The following ATG14 variants were observed in gnomAD, a reference collection of about 807,000 sequenced individuals.
The protein encoded by ATG14 is beclin 1-associated autophagy-related key regulator.
ATG14 carries 35 observed loss-of-function variants against 60.4 expected under a neutral mutation model. That is an observed-to-expected ratio of 0.58 (90% CI 0.44 to 0.77). ATG14 has a LOEUF of 0.77. Among genes scored for constraint, ATG14 ranks in the 30% least tolerant of loss-of-function variants. The pLI is 0.00. For synonymous variants in ATG14, 234 were observed against 228.8 expected, an observed-to-expected ratio of 1.02 and a Z score of -0.21; for missense variants, 647 against 626.3, an observed-to-expected ratio of 1.03 and a Z score of -0.35.
intron 3 of ATG14, among the ~76,000 whole-genome samples, chr14:55,392,628 G>A (rs1451305793): frequency 3.0e-5 from 4 of 132,942 alleles, no homozygotes; most frequent in African/African-American, 1.1e-4. Context: ...CAGCCTGGGT[G>A]ATATAGCAAG....
At position 55,369,483 on chromosome 14, in the gene ATG14, TAAAAA is replaced by T; in HGVS notation, c.*131_*135del. 1.1e-6 allele frequency: 1 copy of T among 889,930 alleles called. No individual in the cohort carries two copies. The highest frequency in any genetic ancestry group is 1.6e-6 in the Non-Finnish European group (1 of 625,730). The allele number at this position is 889,930 out of a possible 1,614,324, so 55.1% of individuals were successfully genotyped here. On this transcript the variant is annotated 3_prime_UTR_variant, in exon 10 of 10. Coordinates refer to ENST00000247178, the MANE Select transcript of ATG14 (RefSeq NM_014924.5). ...AAATAGAAATGTTTGTCTCCCTGCTTAAAAAGACAAAACAAAACAACACTTTAACC... is the reference window on the plus strand; with the variant it reads ...AAATAGAAATGTTTGTCTCCCTGCTTGACAAAACAAAACAACACTTTAACC...
rs1884950784 is a variant in ATG14, at chr14:55,377,888, TG to T, written c.1102del (p.Gln368AsnfsTer11). 6.2e-7 allele frequency: 1 copy of T among 1,605,776 alleles called. No individual in the cohort carries two copies. Among genetic ancestry groups the T allele is most frequent in the African/African-American group, 1.3e-5 (1 of 74,304 alleles). ...CCTGAGGGTATGCAGTGGTTGTAATTGATCTAAATTTACATGCTAAAAAAAA... is the reference window on the plus strand; with the variant it reads ...CCTGAGGGTATGCAGTGGTTGTAATTATCTAAATTTACATGCTAAAAAAAA... ...LCFSQHVNLD[Q>X]LQPLHTLRNL... On this transcript the variant is annotated frameshift_variant, in exon 9 of 10. Transcript: ENST00000247178. LOFTEE classifies it high-confidence loss of function.
intron 3 of ATG14, among the ~76,000 whole-genome samples, chr14:55,393,369 A>C (rs1409849190): frequency 6.6e-6 from 1 of 152,020 alleles, no homozygotes; most frequent in African/African-American, 2.4e-5. Context: ...TGGGTGACAG[A>C]GCGAGACTCT....
rs562380048 is a variant in ATG14 at position 55,405,985 on chromosome 14, TGA to T, written c.221+5615_221+5616del. 1.3e-3 allele frequency among the ~76,000 whole-genome samples: 198 copies of T among 152,136 alleles called. 1 individual carries two copies. The highest frequency in any genetic ancestry group is 2.3e-3 in the Non-Finnish European group (159 of 67,976). ...GGGGATGAGGAAAGGATGATGTGGG[TGA>T]GGATACCAAAGTTGTAGGGAAGTCT... On this transcript the variant is annotated intron_variant, in intron 1 of 9. Coordinates refer to ENST00000247178, the MANE Select transcript of ATG14 (RefSeq NM_014924.5).
In ATG14 at chr14:55,382,018, C is replaced by T. The variant is rs1885043090; in HGVS notation, c.821G>A (p.Gly274Glu). ...TGPWISLPNN[G>E]DYSAYYSWVE... is the part of the protein sequence containing the mutation. ...CCAGCTGTAGTAGGCAGAGTAGTCC[C>T]CATTGTTAGGGAGGCTAATCCAAGG... Residue 274 changes from glycine to glutamate, a missense_variant, in exon 6 of 10, where the codon GGG (glycine) becomes GAG (glutamate). Physicochemically the swap from Gly to Glu is moderately conservative, Grantham distance 98. Transcript: ENST00000247178. 2.5e-6 allele frequency: 4 copies of T among 1,614,160 alleles called. No homozygotes were observed. Among genetic ancestry groups the T allele is most frequent in the Non-Finnish European group, 3.4e-6 (4 of 1,180,016 alleles).
Position 55,369,663 on chromosome 14 carries a change from C to G in ATG14, c.1435G>C (p.Ala479Pro). 6.4e-7 allele frequency: 1 copy of G among 1,558,750 alleles called. No homozygotes were observed. The highest frequency in any genetic ancestry group is 2.3e-5 in the East Asian group (1 of 44,172). The change falls in exon 10 of 10, where the codon GCC becomes CCC. Residue 479 changes from alanine (A) to proline (P), a missense_variant. Ala to Pro is a conservative substitution (Grantham distance 27). Coordinates refer to ENST00000247178, the MANE Select transcript of ATG14 (RefSeq NM_014924.5). ...GCTTTAAACCAGGAGGTCACCGAGG[C>G]TGCTGCAGAGGAGATCATCCCACCT... ...SAGGMISSAA[A>P]SVTSWFKAYT...
At chr14:55,376,682 G>A (rs1442252146) in intron 9 of ATG14, among the ~76,000 whole-genome samples, 1 of 152,136 alleles carries the variant, frequency 6.6e-6, no homozygotes, top group Non-Finnish European at 1.5e-5. Flanking sequence ...AATGCCTTGG[G>A]TTTCAGTAGA....
intron 3 of ATG14, among the ~76,000 whole-genome samples, chr14:55,391,458 G>A (rs984339143): frequency 1.5e-5 from 2 of 135,938 alleles, no homozygotes; most frequent in Admixed American, 7.7e-5. Flanking sequence ...CCTGGCAACT[G>A]AGTGAGACTC....
At position 55,411,521 on chromosome 14, in the gene ATG14, G is replaced by T. The variant is rs995381682; in HGVS notation, c.221+81C>A. On this transcript the variant is annotated intron_variant, in intron 1 of 9. Coordinates refer to ENST00000247178, the MANE Select transcript of ATG14 (RefSeq NM_014924.5). ...CGCTGGTATCTGGTGCCCGGACGGG[G>T]AGCCCCAGGTTCCAGCCTTCGGCTG... The T allele has an allele frequency of 4.4e-6, 6 of 1,373,402 alleles. No individual in the cohort carries two copies. The Admixed American group carries it at 1.3e-4, about 31-fold the overall frequency. The allele number at this position is 1,373,402 out of a possible 1,614,324, so 85.1% of individuals were successfully genotyped here.
rs7147472 is a variant in ATG14, at chr14:55,398,722, G to A, written c.222-1288C>T. 7.0e-3 allele frequency among the ~76,000 whole-genome samples: 1,060 copies of A among 152,132 alleles called. 9 individuals are homozygous for A. Among genetic ancestry groups the A allele is most frequent in the African/African-American group, 0.024 (991 of 41,488 alleles). On this transcript the variant is annotated intron_variant, in intron 1 of 9. Transcript: ENST00000247178. ...AAGTTCCACGCGTACTTGAAATAAC[G>A]TGTATTCTACAGCTGTTGGGCAGTG...
chr14:55,373,930 G>T (rs72717736), intron 9 of ATG14, among the ~76,000 whole-genome samples: 1 of 152,170 alleles, frequency 6.6e-6, no homozygotes, highest in African/African-American at 2.4e-5. Flanking sequence ...TGATGAAGCA[G>T]GTGTGAAAAG....
intron 9 of ATG14, among the ~76,000 whole-genome samples, chr14:55,373,592 T>C (rs932772986): frequency 1.3e-5 from 2 of 152,212 alleles, no homozygotes; most frequent in African/African-American, 4.8e-5. Context: ...CCCAAGTAGC[T>C]GGGGTTACAG....
chr14:55,410,120 T>A (rs184177529), intron 1 of ATG14, among the ~76,000 whole-genome samples: 2 of 152,226 alleles, frequency 1.3e-5, no homozygotes, highest in Non-Finnish European at 2.9e-5. Flanking sequence ...AGATTGACAT[T>A]TACTGGGTTG....
At chr14:55,379,374 A>C (rs947795471) in intron 7 of ATG14, among the ~76,000 whole-genome samples, 12 of 151,782 alleles carry the variant, frequency 7.9e-5, no homozygotes, top group Admixed American at 7.9e-4. Context: ...TGTCTCATAC[A>C]AAAAAATACA....
intron 1 of ATG14, among the ~76,000 whole-genome samples, chr14:55,398,717 A>G (rs554077196): frequency 1.3e-5 from 2 of 152,260 alleles, no homozygotes; most frequent in South Asian, 4.2e-4. Context: ...CGTACTTGAA[A>G]TAACGTGTAT....
At chr14:55,400,821 T>G (rs542794624) in intron 1 of ATG14, among the ~76,000 whole-genome samples, 22 of 152,076 alleles carry the variant, frequency 1.4e-4, no homozygotes, top group African/African-American at 4.8e-4. Flanking sequence ...GGAGAATTGC[T>G]TGAACCCGGG....
At chr14:55,395,636 T>TTCG (rs772719764) in intron 3 of ATG14, among the ~76,000 whole-genome samples, 4 of 152,250 alleles carry the variant, frequency 2.6e-5, no homozygotes, top group Non-Finnish European at 5.9e-5. Flanking sequence ...CATTTAATCA[T>TTCG]TAATCCATTT....
chr14:55,407,723 T>A (rs916226947), intron 1 of ATG14, among the ~76,000 whole-genome samples: 6 of 152,130 alleles, frequency 3.9e-5, no homozygotes, highest in African/African-American at 1.4e-4. Context: ...CTTCCTCAAA[T>A]AAATAATATT....
chr14:55,376,353 G>C (rs1007577499), intron 9 of ATG14, among the ~76,000 whole-genome samples: 2 of 152,240 alleles, frequency 1.3e-5, no homozygotes, highest in Non-Finnish European at 2.9e-5. Context: ...AGAGGATGGT[G>C]AGTAAACTCA....
Sources: allele counts gnomAD v4.1 joint callset (sites outside exome capture counted in the v4.1 genomes callset), GRCh38; gene constraint gnomAD v4.1.1; transcripts MANE v1.5; gene names NCBI Gene and HGNC (gene_info 2026-07-23, HGNC 2026-07-21).